EPB41L2: variants seen among roughly 807,000 people sequenced by gnomAD.
EPB41L2 encodes the protein erythrocyte membrane protein band 4.1 like 2.
Under a neutral mutation model 113.0 loss-of-function variants are expected in EPB41L2, and 43 were observed. The observed-to-expected ratio is 0.38, with a 90% CI of 0.30 to 0.49. The LOEUF (loss-of-function observed/expected upper bound fraction) is 0.49. Among genes scored for constraint, EPB41L2 ranks in the 20% least tolerant of loss-of-function variants. EPB41L2 has a pLI of 0.95. For synonymous variants in EPB41L2, 442 were observed against 436.7 expected, an observed-to-expected ratio of 1.01 and a Z score of -0.15; for missense variants, 1,147 against 1,223.4, an observed-to-expected ratio of 0.94 and a Z score of 0.93.
At chr6:130,977,556 T>C (rs1778460455) in intron 1 of EPB41L2, among the ~76,000 whole-genome samples, 1 of 151,808 alleles carries the variant, frequency 6.6e-6, no homozygotes, top group African/African-American at 2.4e-5. Flanking sequence ...GCCCTAAGAC[T>C]AGGAATCCAA....
intron 3 of EPB41L2, among the ~76,000 whole-genome samples, chr6:130,937,675 C>T (rs942006528): frequency 6.6e-6 from 1 of 152,084 alleles, no homozygotes; most frequent in Non-Finnish European, 1.5e-5. Context: ...AAAAAATTGC[C>T]AGTTGCAGTG....
At chr6:130,865,393 G>T (rs548171789) in intron 17 of EPB41L2, 143 bp downstream of exon 17, 63 of 751,952 alleles carry the variant, frequency 8.4e-5, no homozygotes, top group Non-Finnish European at 1.2e-4. Context: ...TAATTTCTTG[G>T]ATACTTTAAA....
chr6:131,023,823 T>C (rs974602193), intron 1 of EPB41L2, among the ~76,000 whole-genome samples: 7 of 151,066 alleles, frequency 4.6e-5, no homozygotes, highest in African/African-American at 1.5e-4. Context: ...TCTATGTCTA[T>C]AGGAGTATTT....
At chr6:131,005,754 TC>T (rs992188946) in intron 1 of EPB41L2, among the ~76,000 whole-genome samples, 1 of 152,184 alleles carries the variant, frequency 6.6e-6, no homozygotes, top group African/African-American at 2.4e-5. Flanking sequence ...TTCAATTTTT[TC>T]CAACTGTGAC....
chr6:130,846,145 C>T (rs1313468431), intron 19 of EPB41L2, among the ~76,000 whole-genome samples: 1 of 152,158 alleles, frequency 6.6e-6, no homozygotes, highest in Admixed American at 6.5e-5. Flanking sequence ...AGCTTGATAG[C>T]TTCCCGATAT....
chr6:130,867,237 G>A (rs1784066682), intron 16 of EPB41L2, among the ~76,000 whole-genome samples: 1 of 152,150 alleles, frequency 6.6e-6, no homozygotes, highest in South Asian at 2.1e-4. Flanking sequence ...ATAATCATAT[G>A]TACAGTTCCC....
At chr6:131,020,231 A>G (rs2128737545) in intron 1 of EPB41L2, among the ~76,000 whole-genome samples, 1 of 151,900 alleles carries the variant, frequency 6.6e-6, no homozygotes, top group Non-Finnish European at 1.5e-5. Flanking sequence ...AGCACTTTGC[A>G]TTTTCGCTTT....
At chr6:130,846,142 T>C (rs528997144) in intron 19 of EPB41L2, among the ~76,000 whole-genome samples, 6 of 152,314 alleles carry the variant, frequency 3.9e-5, no homozygotes, top group Non-Finnish European at 4.4e-5. Flanking sequence ...ATGAGCTTGA[T>C]AGCTTCCCGA....
At chr6:130,983,592 G>A (rs1024439337) in intron 1 of EPB41L2, among the ~76,000 whole-genome samples, 2 of 150,242 alleles carry the variant, frequency 1.3e-5, no homozygotes, top group Non-Finnish European at 1.5e-5. Context: ...ACAGTGGTGT[G>A]ATCATGGCTC....
chr6:130,884,538 A>G (rs561548535), intron 12 of EPB41L2, among the ~76,000 whole-genome samples: 11 of 152,336 alleles, frequency 7.2e-5, no homozygotes, highest in African/African-American at 2.2e-4. Flanking sequence ...GATAACAGTG[A>G]CACATTTGAG....
chr6:130,991,072 G>A (rs955237015), intron 1 of EPB41L2, among the ~76,000 whole-genome samples: 2 of 151,938 alleles, frequency 1.3e-5, no homozygotes, highest in Non-Finnish European at 2.9e-5. Context: ...CTCGTGATCC[G>A]CCAGCTTCAG....
At chr6:130,935,223 C>T (rs911275208) in intron 3 of EPB41L2, among the ~76,000 whole-genome samples, 5 of 152,178 alleles carry the variant, frequency 3.3e-5, no homozygotes, top group Non-Finnish European at 7.4e-5. Context: ...TAACTGTAAC[C>T]TGCAATCATT....
In EPB41L2 at chr6:130,869,964, A is replaced by T; in HGVS notation, c.2206T>A (p.Ser736Thr). 6.2e-7 allele frequency: 1 copy of T among 1,613,540 alleles called. No homozygotes were observed. The highest frequency in any genetic ancestry group is 8.5e-7 in the Non-Finnish European group (1 of 1,180,004). ...CTGCTGCTGCTCTCAGAAGACAGGG[A>T]GGTGGAGTCTTTTTGTGTCACAGGC... ...VEPVTQKDST[S>T]LSSESSSSSS... The change falls in exon 15 of 20, where the codon TCC becomes ACC. Residue 736 changes from serine to threonine, a missense_variant. Physicochemically the swap from Ser to Thr is moderately conservative, Grantham distance 58 (BLOSUM62 1). Transcript: ENST00000337057.
intron 1 of EPB41L2, among the ~76,000 whole-genome samples, chr6:131,011,307 C>A (rs1227815749): frequency 1.3e-5 from 2 of 152,328 alleles, no homozygotes; most frequent in South Asian, 2.1e-4. Flanking sequence ...CAAGTACCTG[C>A]AAAGGCATCA....
At chr6:131,033,273 G>A (rs565264485) in intron 1 of EPB41L2, among the ~76,000 whole-genome samples, 2 of 152,200 alleles carry the variant, frequency 1.3e-5, no homozygotes, top group African/African-American at 4.8e-5. Context: ...AAGGAAAGAA[G>A]GAAGGAAGGA....
intron 19 of EPB41L2, among the ~76,000 whole-genome samples, chr6:130,843,301 T>G (rs2053146840): frequency 1.3e-5 from 2 of 152,206 alleles, no homozygotes; most frequent in South Asian, 4.1e-4. Context: ...AGAAATAAAC[T>G]TAATATCTGA....
At chr6:130,942,801 T>TC (rs1242644926) in intron 3 of EPB41L2, among the ~76,000 whole-genome samples, 1 of 152,186 alleles carries the variant, frequency 6.6e-6, no homozygotes, top group Non-Finnish European at 1.5e-5. Flanking sequence ...CCTCTCTGTG[T>TC]CCATGTGTTC....
At chr6:130,940,892 C>T (rs925979079) in intron 3 of EPB41L2, among the ~76,000 whole-genome samples, 1 of 152,126 alleles carries the variant, frequency 6.6e-6, no homozygotes. Flanking sequence ...ATAAACAATA[C>T]TTTATCAATT....
At chr6:131,003,648 C>T (rs1248304813) in intron 1 of EPB41L2, among the ~76,000 whole-genome samples, 4 of 152,156 alleles carry the variant, frequency 2.6e-5, no homozygotes, top group Non-Finnish European at 5.9e-5. Flanking sequence ...TAACCTAAAA[C>T]TGGAATTTCT....
Sources: allele counts gnomAD v4.1 joint callset (sites outside exome capture counted in the v4.1 genomes callset), GRCh38; gene constraint gnomAD v4.1.1; transcripts MANE v1.5; gene names NCBI Gene and HGNC (gene_info 2026-07-23, HGNC 2026-07-21).